NCKAP5: variants seen among roughly 807,000 people sequenced by gnomAD.
NCKAP5 encodes the protein nck-associated protein 5.
A neutral mutation model predicts 167.0 loss-of-function variants in NCKAP5; 92 were observed. The ratio of observed to expected loss-of-function variants is 0.55; its 90% confidence interval spans 0.47 to 0.66. The LOEUF is 0.66. Among genes scored for constraint, NCKAP5 ranks in the 30% least tolerant of loss-of-function variants. The pLI is 0.00. For synonymous variants in NCKAP5, 891 were observed against 877.4 expected, an observed-to-expected ratio of 1.02 and a Z score of -0.27; for missense variants, 2,378 against 2,315.0, an observed-to-expected ratio of 1.03 and a Z score of -0.56.
the NCKAP5 span, among the ~76,000 whole-genome samples, chr2:133,578,924 ATGAGC>A: frequency 6.6e-6 from 1 of 152,216 alleles, no homozygotes; most frequent in East Asian, 1.9e-4. Flanking sequence ...GAGCCACACA[ATGAGC>A]TCTGGTAACC....
At chr2:133,634,160 T>G in the NCKAP5 span, among the ~76,000 whole-genome samples, 11 of 152,304 alleles carry the variant, frequency 7.2e-5, no homozygotes, top group African/African-American at 2.6e-4. Context: ...CTGTGTACTA[T>G]CCTTTTGGTT....
At chr2:132,937,532 T>C (rs1320387778) in intron 8 of NCKAP5, among the ~76,000 whole-genome samples, 1 of 152,218 alleles carries the variant, frequency 6.6e-6, no homozygotes, top group African/African-American at 2.4e-5. Flanking sequence ...CTTTATGTTC[T>C]CAGAGTTCAC....
intron 3 of NCKAP5, among the ~76,000 whole-genome samples, chr2:133,419,786 T>C (rs1346776492): frequency 6.6e-6 from 1 of 152,192 alleles, no homozygotes; most frequent in African/African-American, 2.4e-5. Flanking sequence ...TCATTCACAA[T>C]TATTCCTGCA....
chr2:132,837,481 C>A (rs75563063), intron 11 of NCKAP5, among the ~76,000 whole-genome samples: 1 of 152,040 alleles, frequency 6.6e-6, no homozygotes, highest in Non-Finnish European at 1.5e-5. Context: ...CCTTCTACTG[C>A]GTCTTTTTCA....
chr2:132,781,907 T>C (rs1291938245), intron 14 of NCKAP5, 33 bp downstream of exon 14: 1 of 1,581,246 alleles, frequency 6.3e-7, no homozygotes, highest in Non-Finnish European at 8.6e-7. Context: ...GAGGGACCCC[T>C]CTACATTGCT....
At chr2:132,933,333 G>A (rs202172054) in intron 8 of NCKAP5, among the ~76,000 whole-genome samples, 4 of 152,148 alleles carry the variant, frequency 2.6e-5, no homozygotes, top group Admixed American at 2.6e-4. Context: ...ATTAGACCAT[G>A]AGTGAGGGTA....
chr2:133,501,416 T>C (rs1366822384), intron 3 of NCKAP5, among the ~76,000 whole-genome samples: 1 of 152,172 alleles, frequency 6.6e-6, no homozygotes, highest in Non-Finnish European at 1.5e-5. Flanking sequence ...GTTGATTCAA[T>C]CTAGGGAAGC....
intron 6 of NCKAP5, among the ~76,000 whole-genome samples, chr2:133,069,433 C>T (rs1373877382): frequency 6.6e-6 from 1 of 152,208 alleles, no homozygotes; most frequent in Non-Finnish European, 1.5e-5. Flanking sequence ...AAACTGTAGG[C>T]AATTTACATG....
intron 8 of NCKAP5, among the ~76,000 whole-genome samples, chr2:132,919,151 A>G (rs1383948904): frequency 1.3e-5 from 2 of 152,198 alleles, no homozygotes; most frequent in Admixed American, 6.5e-5. Context: ...CAGTGACAAG[A>G]GAGGAAGCCA....
At chr2:133,157,207 C>T (rs915207458) in intron 5 of NCKAP5, among the ~76,000 whole-genome samples, 1 of 152,168 alleles carries the variant, frequency 6.6e-6, no homozygotes, top group Non-Finnish European at 1.5e-5. Context: ...TCTTTCAAAT[C>T]AGGCTGTAGG....
At chr2:133,078,196 G>A (rs2080676448) in intron 6 of NCKAP5, among the ~76,000 whole-genome samples, 1 of 152,140 alleles carries the variant, frequency 6.6e-6, no homozygotes, top group African/African-American at 2.4e-5. Flanking sequence ...ACCTTCTTAG[G>A]AAATGTGATC....
rs139431537 is a variant in NCKAP5, at chr2:133,346,931, G to A, written c.70-43821C>T. On this transcript the variant is annotated intron_variant, in intron 3 of 19. Coordinates refer to ENST00000409261, the MANE Select transcript of NCKAP5 (RefSeq NM_207363.3). Reference sequence around the variant, plus strand: ...CTGTGAGCTCTGACAAGTACAAACTGTTTTCTTAGACTCGTTGAGGACTGA... The same window carrying A: ...CTGTGAGCTCTGACAAGTACAAACTATTTTCTTAGACTCGTTGAGGACTGA... Among the ~76,000 whole-genome samples the A allele has an allele frequency of 4.2e-4, 64 of 152,330 alleles. 1 individual carries two copies. Among genetic ancestry groups the A allele is most frequent in the African/African-American group, 1.5e-3 (61 of 41,580 alleles).
intron 8 of NCKAP5, chr2:132,931,442 G>A (rs967807381): frequency 2.3e-4 from 35 of 152,084 alleles, no homozygotes; most frequent in African/African-American, 6.5e-4. Flanking sequence ...TGATAGTGGG[G>A]GCTGCCCGAT....
At chr2:133,120,931 T>TATTC (rs994771526) in intron 6 of NCKAP5, among the ~76,000 whole-genome samples, 38 of 152,324 alleles carry the variant, frequency 2.5e-4, no homozygotes, top group African/African-American at 8.7e-4. Flanking sequence ...TTAGTGAAGA[T>TATTC]ATTCATTCAT....
chr2:132,677,318 T>C (rs987914765), intron 19 of NCKAP5, among the ~76,000 whole-genome samples: 2 of 152,190 alleles, frequency 1.3e-5, no homozygotes, highest in Non-Finnish European at 2.9e-5. Context: ...TAAAATATTT[T>C]CCTGCCTTTA....
chr2:133,669,252 C>T, the NCKAP5 span, among the ~76,000 whole-genome samples: 1 of 152,078 alleles, frequency 6.6e-6, no homozygotes, highest in Admixed American at 6.5e-5. Context: ...TAATCTTTCC[C>T]CGGAATAAAT....
intron 6 of NCKAP5, among the ~76,000 whole-genome samples, chr2:133,085,619 A>G (rs1165164337): frequency 6.6e-6 from 1 of 152,196 alleles, no homozygotes; most frequent in African/African-American, 2.4e-5. Context: ...TGAAAGAGAT[A>G]TGTCAGGTAA....
intron 6 of NCKAP5, among the ~76,000 whole-genome samples, chr2:133,108,986 G>T (rs1295053104): frequency 6.6e-6 from 1 of 152,016 alleles, no homozygotes; most frequent in Non-Finnish European, 1.5e-5. Context: ...TGAATAAAGG[G>T]CCTATAATAT....
intron 2 of NCKAP5, among the ~76,000 whole-genome samples, chr2:133,547,626 C>T (rs960940483): frequency 1.3e-5 from 2 of 151,528 alleles, no homozygotes; most frequent in African/African-American, 2.4e-5. Flanking sequence ...ACACTGACAC[C>T]TCACACGGCA....
Sources: allele counts gnomAD v4.1 joint callset (sites outside exome capture counted in the v4.1 genomes callset), GRCh38; gene constraint gnomAD v4.1.1; transcripts MANE v1.5; gene names NCBI Gene and HGNC (gene_info 2026-07-23, HGNC 2026-07-21).